The following SPPL2A variants were observed in gnomAD, a reference collection of about 807,000 sequenced individuals.
SPPL2A encodes the protein signal peptide peptidase-like 2A.
In SPPL2A, 51 loss-of-function variants were observed where a neutral mutation model predicts 63.8. The observed-to-expected ratio is 0.80, with a 90% CI of 0.64 to 1.01. SPPL2A has a LOEUF of 1.01. Among genes scored for constraint, SPPL2A ranks in the 50% least tolerant of loss-of-function variants. The pLI is 0.00. For synonymous variants in SPPL2A, 188 were observed against 205.8 expected (o/e 0.91, Z 0.74); for missense variants, 553 against 622.7 (o/e 0.89, Z 1.19).
In SPPL2A at chr15:50,706,728, A is replaced by G. The variant is rs1387661818; in HGVS notation, c.*1072T>C. On this transcript the variant is annotated 3_prime_UTR_variant, in exon 15 of 15. Transcript: ENST00000261854. ...AATTTTTTTAAAAAATCAAACCTTA[A>G]CATTAACAGAACCAAATTGCAAAGA... The G allele has an allele frequency of 6.6e-6, 1 of 150,504 alleles. No homozygotes were observed. The highest frequency in any genetic ancestry group is 1.5e-5 in the Non-Finnish European group (1 of 68,026). The allele number at this position is 150,504 out of a possible 1,614,324, so 9.3% of individuals were successfully genotyped here.
intron 10 of SPPL2A, among the ~76,000 whole-genome samples, chr15:50,729,471 T>C (rs2062713715): frequency 6.6e-6 from 1 of 152,094 alleles, no homozygotes; most frequent in African/African-American, 2.4e-5. Context: ...AATACAAAAA[T>C]TGGCTGGGTA....
rs2062802402 is a variant in SPPL2A at position 50,739,675 on chromosome 15, C to T, written c.733+5G>A. On this transcript the variant is annotated splice_donor_5th_base_variant and intron_variant, in intron 6 of 14. Transcript: ENST00000261854. ...CAGTAGCAAACATAAAATATGACTT[C>T]TTACCCAACCATTTGTAGAAGAAAT... is the stretch of plus-strand genomic sequence containing the variant. 1.9e-6 allele frequency: 3 copies of T among 1,551,482 alleles called. No homozygotes were observed. In the African/African-American group the frequency reaches 4.2e-5, roughly 22 times the overall value.
chr15:50,734,135 G>C (rs536557617), intron 8 of SPPL2A, among the ~76,000 whole-genome samples: 1 of 152,014 alleles, frequency 6.6e-6, no homozygotes, highest in Non-Finnish European at 1.5e-5. Context: ...CAGCAATCCC[G>C]CCATTGGATA....
intron 14 of SPPL2A, among the ~76,000 whole-genome samples, chr15:50,717,334 C>T (rs922074786): frequency 5.3e-5 from 8 of 152,046 alleles, no homozygotes; most frequent in Non-Finnish European, 1.5e-5. Flanking sequence ...GCCACCACGC[C>T]CAGCAAATTT....
intron 1 of SPPL2A, 86 bp downstream of exon 1, chr15:50,765,382 G>C: frequency 9.3e-7 from 1 of 1,070,260 alleles, no homozygotes; most frequent in East Asian, 3.2e-5. Flanking sequence ...GGGGAGGCCG[G>C]GCGAGGAGTA....
intron 11 of SPPL2A, 24 bp from the exon 12 acceptor site, chr15:50,725,347 A>G (rs949501337): frequency 1.6e-6 from 2 of 1,244,694 alleles, no homozygotes; most frequent in African/African-American, 3.1e-5. Flanking sequence ...AAACAAAACA[A>G]AACAAAACAA....
At chr15:50,714,084 T>C (rs1033826438) in intron 14 of SPPL2A, among the ~76,000 whole-genome samples, 4 of 152,210 alleles carry the variant, frequency 2.6e-5, no homozygotes, top group Non-Finnish European at 5.9e-5. Context: ...TTTACTTCTA[T>C]GGGTTATTTT....
chr15:50,750,876 G>A (rs929975756), intron 1 of SPPL2A, among the ~76,000 whole-genome samples: 2 of 152,212 alleles, frequency 1.3e-5, no homozygotes, highest in Non-Finnish European at 2.9e-5. Flanking sequence ...CTTGGCAAAT[G>A]TTGATGTACT....
At position 50,739,713 on chromosome 15, in the gene SPPL2A, T is replaced by C; in HGVS notation, c.700A>G (p.Met234Val). 1 of 1,596,464 alleles carries C rather than the reference T, an allele frequency of 6.3e-7. No homozygotes were observed. Among genetic ancestry groups the C allele is most frequent in the South Asian group, 1.1e-5 (1 of 88,156 alleles). Residue 234 changes from methionine (M) to valine (V), a missense_variant, in exon 6 of 15, where the codon ATG (methionine) becomes GTG (valine). By Grantham distance (21) the Met-to-Val change is conservative (BLOSUM62 1). Coordinates refer to ENST00000261854, the MANE Select transcript of SPPL2A (RefSeq NM_032802.4). ...TTGTAGAAGAAATAAAGTAAGACCA[T>C]CATAACACAGCAGATGACCACAAAT... Reference protein sequence around the residue: ...VIFVVICCVMMVLLYFFYKWL... With the variant: ...VIFVVICCVMVVLLYFFYKWL...
intron 12 of SPPL2A, 99 bp downstream of exon 12, chr15:50,725,122 G>A: frequency 1.3e-6 from 1 of 785,090 alleles, no homozygotes. Context: ...GCCAGAAATA[G>A]TTAATACAGA....
At chr15:50,718,434 T>A (rs2062617090) in intron 14 of SPPL2A, among the ~76,000 whole-genome samples, 1 of 152,190 alleles carries the variant, frequency 6.6e-6, no homozygotes, top group Non-Finnish European at 1.5e-5. Flanking sequence ...AGAGTACTTT[T>A]TGAGATGTGA....
intron 5 of SPPL2A, among the ~76,000 whole-genome samples, chr15:50,741,419 A>C (rs2062819180): frequency 2.0e-5 from 3 of 151,908 alleles, no homozygotes; most frequent in Non-Finnish European, 2.9e-5. Context: ...TGATGGAGAC[A>C]TGCTAGCACC....
chr15:50,742,330 C>T (rs1391959772), intron 5 of SPPL2A, among the ~76,000 whole-genome samples: 2 of 151,706 alleles, frequency 1.3e-5, no homozygotes, highest in African/African-American at 2.4e-5. Flanking sequence ...GCGGAGGTTG[C>T]AGTGAGCCAA....
At chr15:50,711,450 A>G (rs1267770838) in intron 14 of SPPL2A, among the ~76,000 whole-genome samples, 1 of 152,120 alleles carries the variant, frequency 6.6e-6, no homozygotes, top group Admixed American at 6.6e-5. Flanking sequence ...ACCTCAGGCA[A>G]TCCACCCGCC....
chr15:50,756,177 G>A (rs1348315903), intron 1 of SPPL2A, among the ~76,000 whole-genome samples: 6 of 151,464 alleles, frequency 4.0e-5, no homozygotes, highest in Non-Finnish European at 8.8e-5. Flanking sequence ...TGGCTAACAT[G>A]GTGAAACCCC....
At chr15:50,719,207 G>A (rs775888741) in intron 14 of SPPL2A, among the ~76,000 whole-genome samples, 2 of 152,100 alleles carry the variant, frequency 1.3e-5, no homozygotes, top group Non-Finnish European at 2.9e-5. Context: ...TCAAATGAAT[G>A]CCCTATCTAG....
chr15:50,736,761 A>T, intron 6 of SPPL2A, 21 bp from the exon 7 acceptor site: 1 of 1,208,188 alleles, frequency 8.3e-7, no homozygotes, highest in Non-Finnish European at 1.2e-6. Context: ...CAAAACACTA[A>T]ATTACATGAG....
In SPPL2A at chr15:50,703,018, T is replaced by C. The variant is rs1176682047; in HGVS notation, c.*4782A>G. On this transcript the variant is annotated 3_prime_UTR_variant, in exon 15 of 15. Coordinates refer to ENST00000261854, the MANE Select transcript of SPPL2A (RefSeq NM_032802.4). ...ATCTCTTGAATTTACAGAGTACTTTTCCTCCAGGAAATGTATAAAGTTATT... is the reference window on the plus strand; with the variant it reads ...ATCTCTTGAATTTACAGAGTACTTTCCCTCCAGGAAATGTATAAAGTTATT... The C allele has an allele frequency of 6.6e-6, 1 of 152,046 alleles. No homozygotes were observed. The highest frequency in any genetic ancestry group is 1.5e-5 in the Non-Finnish European group (1 of 68,022). The allele number at this position is 152,046 out of a possible 1,614,324, so 9.4% of individuals were successfully genotyped here.
At chr15:50,726,201 T>C in intron 11 of SPPL2A, 120 bp downstream of exon 11, 2 of 1,475,944 alleles carry the variant, frequency 1.4e-6, no homozygotes, top group East Asian at 4.9e-5. Context: ...TTCTGAGAAA[T>C]AAGTTTTACA....
Sources: gnomAD v4.1 joint callset for allele counts (sites outside exome capture counted in the v4.1 genomes callset) on GRCh38, gnomAD v4.1.1 for gene constraint, MANE v1.5 for transcripts, NCBI Gene and HGNC (gene_info 2026-07-23, HGNC 2026-07-21) for gene names.